Variants in PTPRN2 observed in about 807,000 individuals in gnomAD.
PTPRN2 encodes the protein receptor-type tyrosine-protein phosphatase N2.
A neutral mutation model predicts 118.8 loss-of-function variants in PTPRN2; 74 were observed. That is an observed-to-expected ratio of 0.62 (90% CI 0.52 to 0.76). The LOEUF is 0.76. Among genes scored for constraint, PTPRN2 ranks in the 30% least tolerant of loss-of-function variants. The probability of loss-of-function intolerance (pLI) is 0.00; values close to 1 mark genes in which losing one functional copy is unlikely to be tolerated. For missense variants in PTPRN2, 1,481 were observed against 1,394.4 expected (o/e 1.06, Z -0.99); for synonymous variants, 641 against 608.0 (o/e 1.05, Z -0.80).
rs531203351 is a variant in PTPRN2 at position 158,391,077 on chromosome 7, T to G, written c.164-74145A>C. Reference sequence around the variant, plus strand: ...ACTACAGACTAGATTTTCTTCCCTCTTGCGACGGTTGTAACGCAACAGCCA... The same window carrying G: ...ACTACAGACTAGATTTTCTTCCCTCGTGCGACGGTTGTAACGCAACAGCCA... On this transcript the variant is annotated intron_variant, in intron 2 of 22. Transcript: ENST00000389418. Among the ~76,000 whole-genome samples, 3 of 152,332 alleles carry G rather than the reference T, an allele frequency of 2.0e-5. No homozygotes were observed. The East Asian group carries it at 5.8e-4, about 29-fold the overall frequency.
chr7:157,883,819 A>G (rs1361799130), intron 12 of PTPRN2, among the ~76,000 whole-genome samples: 1 of 150,622 alleles, frequency 6.6e-6, no homozygotes, highest in African/African-American at 2.5e-5. Context: ...ACACCACCCC[A>G]AAAATGACTG....
At chr7:158,120,584 A>C (rs990211957) in intron 9 of PTPRN2, among the ~76,000 whole-genome samples, 2 of 152,246 alleles carry the variant, frequency 1.3e-5, no homozygotes, top group Admixed American at 6.5e-5. Flanking sequence ...CGTGTTCTTT[A>C]AAGTGGATTT....
rs1804187982 is a variant in PTPRN2 at position 157,990,714 on chromosome 7, C to T, written c.1723+90584G>A. ...ATGTTGCTGGGCCGGTGCTCAGGAG[C>T]TGGGGCTGCCTGGGGCACAAAGCAC... On this transcript the variant is annotated intron_variant, in intron 11 of 22. Coordinates refer to ENST00000389418, the MANE Select transcript of PTPRN2 (RefSeq NM_002847.5). The surrounding 1 kb of genome is among the most constrained non-coding windows in gnomAD (Gnocchi z 4.3). Among the ~76,000 whole-genome samples the T allele has an allele frequency of 6.6e-6, 1 of 152,146 alleles. No individual in the cohort carries two copies. The highest frequency in any genetic ancestry group is 2.4e-5 in the African/African-American group (1 of 41,432).
chr7:157,947,291 C>G (rs1417272944), intron 11 of PTPRN2, among the ~76,000 whole-genome samples: 1 of 152,198 alleles, frequency 6.6e-6, no homozygotes, highest in Non-Finnish European at 1.5e-5. Context: ...CAAAAATGGA[C>G]AGAAGTGACT....
chr7:158,468,803 G>GCACATTCCGGGTGGATAAACAGTA (rs1819567239), intron 2 of PTPRN2, among the ~76,000 whole-genome samples: 1 of 139,612 alleles, frequency 7.2e-6, no homozygotes. Flanking sequence ...GAGCAACAGC[G>GCACATTCCGGGTGGATAAACAGTA]TGCACACCCA....
intron 12 of PTPRN2, among the ~76,000 whole-genome samples, chr7:157,844,012 C>A (rs1808616736): frequency 6.6e-6 from 1 of 152,178 alleles, no homozygotes; most frequent in Non-Finnish European, 1.5e-5. Flanking sequence ...CTCTGACCCC[C>A]TGCACGGAGG....
intron 2 of PTPRN2, among the ~76,000 whole-genome samples, chr7:158,445,870 A>C (rs1343230610): frequency 6.6e-6 from 1 of 152,244 alleles, no homozygotes; most frequent in Non-Finnish European, 1.5e-5. Flanking sequence ...GTCAGTGCTC[A>C]GAAGCCTCCG....
chr7:158,145,222 G>C (rs953480022), intron 6 of PTPRN2, among the ~76,000 whole-genome samples: 1 of 132,464 alleles, frequency 7.5e-6, no homozygotes. Context: ...CTCACATCAC[G>C]GTGAGAAGGT....
intron 2 of PTPRN2, among the ~76,000 whole-genome samples, chr7:158,481,658 T>G (rs1292366679): frequency 1.3e-5 from 2 of 152,164 alleles, no homozygotes; most frequent in Non-Finnish European, 2.9e-5. Flanking sequence ...GAGACAGGGT[T>G]TCACCATCTT....
chr7:157,567,373 C>T (rs1038338068), intron 21 of PTPRN2, among the ~76,000 whole-genome samples: 15 of 152,284 alleles, frequency 9.9e-5, no homozygotes, highest in African/African-American at 3.1e-4. Flanking sequence ...TTTCATTTCT[C>T]CCCAGCAGCC....
At chr7:157,664,751 C>T (rs963531552) in intron 13 of PTPRN2, among the ~76,000 whole-genome samples, 1 of 152,148 alleles carries the variant, frequency 6.6e-6, no homozygotes, top group Non-Finnish European at 1.5e-5. Flanking sequence ...AGAGCAAGAC[C>T]CTGTCCGCCT....
intron 2 of PTPRN2, among the ~76,000 whole-genome samples, chr7:158,488,746 C>A (rs1458512173): frequency 3.3e-5 from 5 of 152,280 alleles, no homozygotes; most frequent in African/African-American, 9.6e-5. Context: ...GCCCCGCCAT[C>A]CTCGCTAGGA....
intron 12 of PTPRN2, among the ~76,000 whole-genome samples, chr7:157,686,766 TGAG>T (rs1162798653): frequency 3.3e-5 from 5 of 151,228 alleles, no homozygotes; most frequent in Non-Finnish European, 7.4e-5. Context: ...AGAGAAGAAG[TGAG>T]GAGGAGGAGG....
At chr7:158,353,413 C>T (rs1409162841) in intron 2 of PTPRN2, among the ~76,000 whole-genome samples, 1 of 152,228 alleles carries the variant, frequency 6.6e-6, no homozygotes, top group African/African-American at 2.4e-5. Flanking sequence ...TGAAAGCTTA[C>T]TTTACATTTG....
At chr7:157,702,967 G>A (rs1237871545) in intron 12 of PTPRN2, among the ~76,000 whole-genome samples, 1 of 152,178 alleles carries the variant, frequency 6.6e-6, no homozygotes, top group Admixed American at 6.5e-5. Flanking sequence ...TTAGGAAGGG[G>A]CTGTGATAGA....
chr7:157,981,979 CG>C (rs1803197520), intron 11 of PTPRN2, among the ~76,000 whole-genome samples: 2 of 151,160 alleles, frequency 1.3e-5, no homozygotes, highest in African/African-American at 2.4e-5. Context: ...TGCAGGGTAC[CG>C]CCCAGAACCC....
intron 11 of PTPRN2, among the ~76,000 whole-genome samples, chr7:158,065,883 A>G (rs2128910721): frequency 6.6e-6 from 1 of 152,316 alleles, no homozygotes. Flanking sequence ...TAGAATAAGA[A>G]ATTATGTGGC....
chr7:158,358,079 A>T (rs1271210791), intron 2 of PTPRN2, among the ~76,000 whole-genome samples: 1 of 152,146 alleles, frequency 6.6e-6, no homozygotes, highest in African/African-American at 2.4e-5. Flanking sequence ...CAACTTTGTG[A>T]GTTACTCGAA....
At chr7:157,709,806 G>T (rs780396971) in intron 12 of PTPRN2, among the ~76,000 whole-genome samples, 2 of 152,242 alleles carry the variant, frequency 1.3e-5, no homozygotes, top group Non-Finnish European at 2.9e-5. Flanking sequence ...ACACATACAA[G>T]TCGGATATTC....
Sources: allele counts gnomAD v4.1 joint callset (sites outside exome capture counted in the v4.1 genomes callset), GRCh38; gene constraint gnomAD v4.1.1; non-coding constraint Gnocchi (gnomAD v3.1); transcripts MANE v1.5; gene names NCBI Gene and HGNC (gene_info 2026-07-23, HGNC 2026-07-21).